MRPL1: variants seen among roughly 807,000 people sequenced by gnomAD.
MRPL1 encodes large ribosomal subunit protein uL1m.
MRPL1 carries 28 observed loss-of-function variants against 38.0 expected under a neutral mutation model. That is an observed-to-expected ratio of 0.74 (90% CI 0.55 to 1.01). The LOEUF (loss-of-function observed/expected upper bound fraction) is 1.01. Among genes scored for constraint, MRPL1 ranks in the 50% least tolerant of loss-of-function variants. MRPL1 has a pLI of 0.00. For synonymous variants in MRPL1, 123 were observed against 126.7 expected, an observed-to-expected ratio of 0.97 and a Z score of 0.20; for missense variants, 358 against 389.8, an observed-to-expected ratio of 0.92 and a Z score of 0.69.
intron 7 of MRPL1, among the ~76,000 whole-genome samples, chr4:77,936,826 T>TA (rs976544158): frequency 3.9e-5 from 6 of 152,128 alleles, no homozygotes; most frequent in African/African-American, 1.4e-4. Flanking sequence ...CATTGTTTAT[T>TA]AAAAAATCTG....
intron 8 of MRPL1, among the ~76,000 whole-genome samples, chr4:77,951,106 G>T (rs777137983): frequency 6.6e-5 from 10 of 152,168 alleles, no homozygotes; most frequent in Non-Finnish European, 1.0e-4. Context: ...CTGACCTCAG[G>T]TGATCCACCT....
intron 2 of MRPL1, among the ~76,000 whole-genome samples, chr4:77,872,799 G>A (rs56754316): frequency 6.6e-6 from 1 of 152,326 alleles, no homozygotes; most frequent in Non-Finnish European, 1.5e-5. Context: ...GGCAGCAGAG[G>A]TTGCAGCAAG....
At chr4:77,870,068 A>G (rs1735240225) in intron 1 of MRPL1, among the ~76,000 whole-genome samples, 1 of 150,984 alleles carries the variant, frequency 6.6e-6, no homozygotes, top group Non-Finnish European at 1.5e-5. Context: ...TAATTTTTAA[A>G]TTTTTTGTAG....
intron 7 of MRPL1, among the ~76,000 whole-genome samples, chr4:77,949,388 T>G (rs1737354547): frequency 6.6e-6 from 1 of 152,182 alleles, no homozygotes; most frequent in Non-Finnish European, 1.5e-5. Context: ...AGCAAGCAGT[T>G]TTATTTTGGA....
intron 7 of MRPL1, among the ~76,000 whole-genome samples, chr4:77,934,920 G>A (rs1044808996): frequency 6.6e-6 from 1 of 152,142 alleles, no homozygotes. Context: ...GAAATAAGCC[G>A]GTCACAAAAG....
At chr4:77,868,203 C>T (rs544469083) in intron 1 of MRPL1, among the ~76,000 whole-genome samples, 2 of 152,034 alleles carry the variant, frequency 1.3e-5, no homozygotes, top group East Asian at 3.9e-4. Context: ...GCTGGGACTA[C>T]AGGCACGTGT....
chr4:77,894,191 T>C lies in MRPL1; in HGVS notation c.611T>C (p.Met204Thr), dbSNP rs202202159. Residue 204 changes from methionine to threonine, a missense_variant, in exon 6 of 9, where the codon ATG becomes ACG. Coordinates refer to ENST00000315567, the MANE Select transcript of MRPL1 (RefSeq NM_020236.4). ...ADFYVAVPEI[M>T]PELNRLRKKL... Reference sequence around the variant, plus strand: ...TTTTACGTAGCTGTTCCAGAAATAATGCCTGAACTTAATCGATTAAGGAAG... The same window carrying C: ...TTTTACGTAGCTGTTCCAGAAATAACGCCTGAACTTAATCGATTAAGGAAG... The C allele has an allele frequency of 3.7e-6, 6 of 1,608,496 alleles. No individual in the cohort carries two copies.
chr4:77,922,806 G>A (rs905364919), intron 7 of MRPL1, among the ~76,000 whole-genome samples: 4 of 152,072 alleles, frequency 2.6e-5, no homozygotes, highest in African/African-American at 7.3e-5. Flanking sequence ...ATGAATAGGC[G>A]GAAGGGTTAT....
At chr4:77,890,805 T>C (rs1479384892) in intron 5 of MRPL1, among the ~76,000 whole-genome samples, 2 of 152,206 alleles carry the variant, frequency 1.3e-5, no homozygotes, top group African/African-American at 2.4e-5. Context: ...ACAAAATCAA[T>C]GTGCAAAAAT....
At chr4:77,948,228 T>C (rs956594581) in intron 7 of MRPL1, among the ~76,000 whole-genome samples, 1 of 152,170 alleles carries the variant, frequency 6.6e-6, no homozygotes, top group Non-Finnish European at 1.5e-5. Context: ...TAGAATTGAT[T>C]AGAGCTGTGA....
At chr4:77,917,464 T>G (rs1237794302) in intron 7 of MRPL1, among the ~76,000 whole-genome samples, 1 of 152,216 alleles carries the variant, frequency 6.6e-6, no homozygotes, top group Non-Finnish European at 1.5e-5. Flanking sequence ...GGATTTTTAA[T>G]GTATCCTATG....
At chr4:77,881,739 C>T (rs888424795) in intron 2 of MRPL1, among the ~76,000 whole-genome samples, 1 of 152,134 alleles carries the variant, frequency 6.6e-6, no homozygotes, top group Non-Finnish European at 1.5e-5. Flanking sequence ...TCGTGCTTGG[C>T]CCAGTATTTA....
At chr4:77,908,683 CA>C (rs1736216072) in intron 6 of MRPL1, among the ~76,000 whole-genome samples, 3 of 152,166 alleles carry the variant, frequency 2.0e-5, no homozygotes, top group African/African-American at 7.2e-5. Flanking sequence ...TTGCTTGAAA[CA>C]ACACGCATTT....
intron 7 of MRPL1, among the ~76,000 whole-genome samples, chr4:77,938,032 C>G (rs564246215): frequency 6.6e-6 from 1 of 152,188 alleles, no homozygotes. Flanking sequence ...CAAAAACTTA[C>G]AAAACAAAAA....
At chr4:77,908,825 G>T (rs1328675846) in intron 6 of MRPL1, among the ~76,000 whole-genome samples, 1 of 152,188 alleles carries the variant, frequency 6.6e-6, no homozygotes, top group African/African-American at 2.4e-5. Context: ...AATGGGCGAT[G>T]GATCTGCTTG....
chr4:77,869,645 G>C (rs796467599), intron 1 of MRPL1, among the ~76,000 whole-genome samples: 1 of 152,102 alleles, frequency 6.6e-6, no homozygotes, highest in Admixed American at 6.6e-5. Flanking sequence ...GCCCAGGCTG[G>C]AGTGCAGTGG....
chr4:77,948,760 T>A (rs940824338), intron 7 of MRPL1, among the ~76,000 whole-genome samples: 23 of 149,526 alleles, frequency 1.5e-4, no homozygotes, highest in Admixed American at 6.2e-4. Context: ...TATATGAATC[T>A]TCTTCTTCTT....
chr4:77,952,723 T>C lies in MRPL1; in HGVS notation c.*116T>C, dbSNP rs1737438718. ...ATTGATCATACTTGAAAGTGAACTTTAACATTGAAAAATCGTACAGTCATT... is the reference window on the plus strand; with the variant it reads ...ATTGATCATACTTGAAAGTGAACTTCAACATTGAAAAATCGTACAGTCATT... On this transcript the variant is annotated 3_prime_UTR_variant, in exon 9 of 9. Coordinates refer to ENST00000315567, the MANE Select transcript of MRPL1 (RefSeq NM_020236.4). 3.0e-6 allele frequency: 2 copies of C among 672,910 alleles called. No individual in the cohort carries two copies. Among genetic ancestry groups the C allele is most frequent in the Admixed American group, 6.3e-5 (2 of 31,710 alleles). The allele number at this position is 672,910 out of a possible 1,614,324, so 41.7% of individuals were successfully genotyped here. A position where few individuals can be genotyped will look rare whatever the true frequency, so the allele number is the denominator to read the frequency against.
chr4:77,940,785 T>C (rs922079027), intron 7 of MRPL1, among the ~76,000 whole-genome samples: 2 of 152,222 alleles, frequency 1.3e-5, no homozygotes, highest in African/African-American at 2.4e-5. Flanking sequence ...TGCTTTTTTC[T>C]GCATCTATTG....
Sources: allele counts gnomAD v4.1 joint callset (sites outside exome capture counted in the v4.1 genomes callset), GRCh38; gene constraint gnomAD v4.1.1; transcripts MANE v1.5; gene names NCBI Gene and HGNC (gene_info 2026-07-23, HGNC 2026-07-21).